Variants in NME8 observed in about 807,000 individuals in gnomAD.
NME8 encodes NME/NM23 family member 8, also known as protein NME8.
In NME8, 72 loss-of-function variants were observed where a neutral mutation model predicts 82.3. That is an observed-to-expected ratio of 0.87 (90% confidence interval 0.72 to 1.06). The LOEUF (loss-of-function observed/expected upper bound fraction) is 1.06. Ranked by LOEUF, NME8 falls within the 50% of genes least tolerant of loss-of-function variation. NME8 has a pLI of 0.00. For missense variants in NME8, 712 were observed against 685.4 expected, an observed-to-expected ratio of 1.04 and a Z score of -0.43; for synonymous variants, 267 against 228.5, an observed-to-expected ratio of 1.17 and a Z score of -1.52.
intron 16 of NME8, among the ~76,000 whole-genome samples, chr7:37,895,939 T>G (rs1349417555): frequency 6.6e-6 from 1 of 152,154 alleles, no homozygotes; most frequent in Middle Eastern, 3.2e-3. Context: ...TGTAAGTATA[T>G]TCTAGGATGT....
intron 6 of NME8, among the ~76,000 whole-genome samples, chr7:37,858,989 T>A (rs184556975): frequency 1.1e-4 from 16 of 152,232 alleles, no homozygotes; most frequent in Non-Finnish European, 2.1e-4. Flanking sequence ...TCTCTCCACA[T>A]GACATGCTGT....
At chr7:37,889,879 T>G (rs1785102149) in intron 15 of NME8, among the ~76,000 whole-genome samples, 1 of 151,994 alleles carries the variant, frequency 6.6e-6, no homozygotes, top group Non-Finnish European at 1.5e-5. Context: ...GTCTTGAATT[T>G]GGGGGATCTG....
intron 5 of NME8, among the ~76,000 whole-genome samples, chr7:37,853,330 C>T (rs989699195): frequency 6.6e-6 from 1 of 152,000 alleles, no homozygotes; most frequent in African/African-American, 2.4e-5. Flanking sequence ...TCTGTAACAA[C>T]CTGTTTCACT....
chr7:37,897,136 T>TTAAAACATCTTA, intron 17 of NME8, 29 bp downstream of exon 17: 1 of 1,390,144 alleles, frequency 7.2e-7, no homozygotes, highest in African/African-American at 1.4e-5. Context: ...ATTATTTTAT[T>TTAAAACATCTTA]TTATTTGCTT....
chr7:37,885,182 G>A lies in NME8; in HGVS notation c.1177G>A (p.Gly393Ser), dbSNP rs1170218666. 1 of 1,613,362 alleles carries A rather than the reference G, an allele frequency of 6.2e-7. No homozygotes were observed. The highest frequency in any genetic ancestry group is 1.3e-5 in the African/African-American group (1 of 74,900). The change falls in exon 14 of 18, where the codon GGC becomes AGC. Residue 393 changes from glycine to serine, a missense_variant. By Grantham distance (56) the Gly-to-Ser change is moderately conservative. Transcript: ENST00000199447. ...SLALVLLRDNGLQYWKQLLGP... is the reference protein window; with the variant it reads ...SLALVLLRDNSLQYWKQLLGP... ...AGCCCTTGTTTTATTGAGAGACAAT[G>A]GCTTGCAATACTGGAAACAATTACT...
In NME8 at chr7:37,870,679, G is replaced by A. The variant is rs1043698387; in HGVS notation, c.818+2781G>A. On this transcript the variant is annotated intron_variant, in intron 11 of 17. Coordinates refer to ENST00000199447, the MANE Select transcript of NME8 (RefSeq NM_016616.5). ...CATGCAGCCAGTGGGCTGCAGGTTG[G>A]ACAAGCTTGGTCTATAGGCTTCTGA... is the stretch of plus-strand genomic sequence containing the variant. Among the ~76,000 whole-genome samples, 39 of 152,040 alleles carry A rather than the reference G, an allele frequency of 2.6e-4. 1 individual carries two copies. Among genetic ancestry groups the A allele is most frequent in the Non-Finnish European group, 5.6e-4 (38 of 68,002 alleles).
intron 16 of NME8, among the ~76,000 whole-genome samples, chr7:37,896,068 G>A (rs61640863): frequency 0.088 from 13,384 of 152,086 alleles, 982 homozygotes; most frequent in Admixed American, 0.22. Context: ...TATAAAATAC[G>A]TATAAGAAAC....
intron 14 of NME8, among the ~76,000 whole-genome samples, chr7:37,886,900 G>T (rs574651407): frequency 3.3e-5 from 5 of 152,018 alleles, no homozygotes; most frequent in African/African-American, 9.6e-5. Flanking sequence ...AACCCTGAAT[G>T]AGTCATTGAG....
intron 15 of NME8, 126 bp downstream of exon 15, chr7:37,888,554 T>TACTC: frequency 1.3e-6 from 1 of 779,446 alleles, no homozygotes; most frequent in East Asian, 2.7e-5. Flanking sequence ...TTGCGATGAG[T>TACTC]ACTCCTATCC....
chr7:37,877,419 A>G (rs1784872365), intron 12 of NME8, among the ~76,000 whole-genome samples: 1 of 152,222 alleles, frequency 6.6e-6, no homozygotes, highest in African/African-American at 2.4e-5. Flanking sequence ...TACCTGGCAC[A>G]TAAAGAGTTA....
At chr7:37,861,955 G>A in intron 6 of NME8, 73 bp from the exon 7 acceptor site, 2 of 917,740 alleles carry the variant, frequency 2.2e-6, no homozygotes, top group Non-Finnish European at 1.8e-6. Context: ...GGATGACTTA[G>A]TCCAGTTTAA....
At position 37,876,934 on chromosome 7, in the gene NME8, T is replaced by TA. The variant is rs764411137; in HGVS notation, c.928dup (p.Met310AsnfsTer20). On this transcript the variant is annotated frameshift_variant, in exon 12 of 18. Coordinates refer to ENST00000199447, the MANE Select transcript of NME8 (RefSeq NM_016616.5). LOFTEE classifies it high-confidence loss of function. ...TCATGGATGCTTTCTTCCCCGATTTTAAAAAAATGAAAAGCATGAAATTAG... is the reference window on the plus strand; with the variant it reads ...TCATGGATGCTTTCTTCCCCGATTTTAAAAAAAATGAAAAGCATGAAATTAG... 1.9e-6 allele frequency: 3 copies of TA among 1,612,976 alleles called. No individual in the cohort carries two copies. Among genetic ancestry groups the TA allele is most frequent in the East Asian group, 4.5e-5 (2 of 44,700 alleles).
intron 14 of NME8, 104 bp from the exon 15 acceptor site, chr7:37,888,173 G>C: frequency 8.6e-7 from 1 of 1,168,994 alleles, no homozygotes; most frequent in Admixed American, 1.8e-5. Flanking sequence ...TCAAGATCTG[G>C]AATTATTTGC....
At chr7:37,873,919 C>A (rs1784809655) in intron 11 of NME8, among the ~76,000 whole-genome samples, 1 of 152,190 alleles carries the variant, frequency 6.6e-6, no homozygotes, top group South Asian at 2.1e-4. Context: ...CTTCCACCAA[C>A]TGCATACTTG....
chr7:37,884,321 T>C lies in NME8; in HGVS notation c.1013T>C (p.Ile338Thr), dbSNP rs62001870. 78,365 of 1,588,014 alleles carry C rather than the reference T, an allele frequency of 0.049. 2,212 individuals are homozygous for C. Among genetic ancestry groups the C allele is most frequent in the Middle Eastern group, 0.07 (416 of 5,972 alleles). Residue 338 changes from isoleucine (I) to threonine (T), a missense_variant, in exon 13 of 18, where the codon ATT (isoleucine) becomes ACT (threonine). Coordinates refer to ENST00000199447, the MANE Select transcript of NME8 (RefSeq NM_016616.5). Reference protein sequence around the residue: ...HERKDDVLRIIKDEDFKILEQ... With the variant: ...HERKDDVLRITKDEDFKILEQ... ...TATTTAGATGATGTTTTGCGTATTA[T>C]TAAAGATGAAGACTTCAAAATACTG...
chr7:37,882,557 A>G (rs928280931), intron 12 of NME8, among the ~76,000 whole-genome samples: 1 of 21,840 alleles, frequency 4.6e-5, no homozygotes, highest in Non-Finnish European at 1.1e-4. Context: ...GAAAGAAAGA[A>G]AGAAAGAAAG....
At chr7:37,856,576 G>A (rs1294650007) in intron 5 of NME8, among the ~76,000 whole-genome samples, 1 of 152,084 alleles carries the variant, frequency 6.6e-6, no homozygotes, top group Non-Finnish European at 1.5e-5. Context: ...CTGGACCAAT[G>A]GATACTATGT....
intron 11 of NME8, among the ~76,000 whole-genome samples, chr7:37,876,194 G>T (rs1784846377): frequency 6.6e-6 from 1 of 150,608 alleles, no homozygotes; most frequent in African/African-American, 2.5e-5. Flanking sequence ...GTGACAGAGC[G>T]AGACTCCATC....
At chr7:37,856,864 G>A (rs993524139) in intron 5 of NME8, among the ~76,000 whole-genome samples, 6 of 152,118 alleles carry the variant, frequency 3.9e-5, no homozygotes, top group African/African-American at 1.4e-4. Flanking sequence ...AGGCCCACAC[G>A]TGCCTGTAGT....
Sources: allele counts gnomAD v4.1 joint callset (sites outside exome capture counted in the v4.1 genomes callset), GRCh38; gene constraint gnomAD v4.1.1; transcripts MANE v1.5; gene names NCBI Gene and HGNC (gene_info 2026-07-23, HGNC 2026-07-21).